The following HPSE2 variants were observed in gnomAD, a reference collection of about 807,000 sequenced individuals.
HPSE2 encodes the protein heparanase 2 (inactive).
Under a neutral mutation model 60.5 loss-of-function variants are expected in HPSE2, and 38 were observed. That is an observed-to-expected ratio of 0.63 (90% confidence interval 0.48 to 0.82). The LOEUF is 0.82. Ranked by LOEUF, HPSE2 falls within the 40% of genes least tolerant of loss-of-function variation. The pLI is 0.00. For synonymous variants in HPSE2, 295 were observed against 293.2 expected, an observed-to-expected ratio of 1.01 and a Z score of -0.06; for missense variants, 713 against 740.4, an observed-to-expected ratio of 0.96 and a Z score of 0.43.
At chr10:98,724,336 G>T (rs1237962530) in intron 4 of HPSE2, among the ~76,000 whole-genome samples, 1 of 152,118 alleles carries the variant, frequency 6.6e-6, no homozygotes, top group African/African-American at 2.4e-5. Context: ...GAGACAGTTT[G>T]TTATAATTTC....
rs1328708630 is a variant in HPSE2, at chr10:98,868,056, T to G, written c.611-124000A>C. Reference sequence around the variant, plus strand: ...CAGCCTGTGTGACAGAGACTCCATCTCCACAAAAAAAAGAAAGAAAGAAAA... The same window carrying G: ...CAGCCTGTGTGACAGAGACTCCATCGCCACAAAAAAAAGAAAGAAAGAAAA... On this transcript the variant is annotated intron_variant, in intron 3 of 11. Transcript: ENST00000370552. 2.7e-5 allele frequency among the ~76,000 whole-genome samples: 4 copies of G among 145,536 alleles called. No homozygotes were observed. In the East Asian group the frequency reaches 8.1e-4, roughly 29 times the overall value.
At chr10:98,655,407 T>C (rs138385340) in intron 6 of HPSE2, among the ~76,000 whole-genome samples, 2 of 152,324 alleles carry the variant, frequency 1.3e-5, no homozygotes, top group East Asian at 1.9e-4. Flanking sequence ...TTCATGGGAA[T>C]TACCACTTAA....
intron 4 of HPSE2, among the ~76,000 whole-genome samples, chr10:98,726,582 A>G (rs558432497): frequency 3.3e-5 from 5 of 151,282 alleles, no homozygotes; most frequent in East Asian, 3.9e-4. Context: ...ATATGTATAC[A>G]TATGTAAAAA....
chr10:98,829,241 A>G (rs1951624569), intron 3 of HPSE2, among the ~76,000 whole-genome samples: 1 of 152,110 alleles, frequency 6.6e-6, no homozygotes, highest in Non-Finnish European at 1.5e-5. Context: ...CAAGATGAAG[A>G]AAGTTGGGCT....
At chr10:98,704,063 G>A (rs1948481628) in intron 5 of HPSE2, among the ~76,000 whole-genome samples, 2 of 152,136 alleles carry the variant, frequency 1.3e-5, no homozygotes, top group Non-Finnish European at 2.9e-5. Context: ...AACAACTTCA[G>A]CAAAGTCTCA....
chr10:98,912,888 G>A (rs1248741459), intron 3 of HPSE2, among the ~76,000 whole-genome samples: 1 of 152,016 alleles, frequency 6.6e-6, no homozygotes, highest in African/African-American at 2.4e-5. Flanking sequence ...ACAACAGGAG[G>A]ACTATAGTCA....
chr10:99,249,015 C>T, the HPSE2 span, among the ~76,000 whole-genome samples: 1 of 152,196 alleles, frequency 6.6e-6, no homozygotes, highest in Non-Finnish European at 1.5e-5. Context: ...CCTGGATGTC[C>T]AGGCAGAAGT....
chr10:99,131,976 G>A, intron 3 of HPSE2, among the ~76,000 whole-genome samples: 1 of 151,682 alleles, frequency 6.6e-6, no homozygotes, highest in Non-Finnish European at 1.5e-5. Context: ...GCCAGATGTG[G>A]TGGCACATGC....
intron 3 of HPSE2, among the ~76,000 whole-genome samples, chr10:99,073,929 A>G (rs1264177597): frequency 7.1e-6 from 1 of 140,884 alleles, no homozygotes; most frequent in Non-Finnish European, 1.5e-5. Flanking sequence ...TCCATTTATT[A>G]GTTCCAAAAG....
At chr10:98,768,248 T>C (rs1304259637) in intron 3 of HPSE2, among the ~76,000 whole-genome samples, 8 of 152,272 alleles carry the variant, frequency 5.3e-5, no homozygotes. Flanking sequence ...CTTTTTTGTA[T>C]AGTTTTATTT....
intron 3 of HPSE2, among the ~76,000 whole-genome samples, chr10:98,985,967 C>T (rs373320827): frequency 2.2e-4 from 33 of 152,154 alleles, no homozygotes; most frequent in African/African-American, 5.3e-4. Context: ...ATGCACCCAA[C>T]ACAGGAGCAC....
the HPSE2 span, among the ~76,000 whole-genome samples, chr10:99,246,028 C>G: frequency 6.6e-6 from 1 of 152,046 alleles, no homozygotes; most frequent in African/African-American, 2.4e-5. Flanking sequence ...ATACCTATAG[C>G]AAAATGTTAG....
chr10:98,774,045 C>T lies in HPSE2; in HGVS notation c.611-29989G>A, dbSNP rs573777249. Among the ~76,000 whole-genome samples the T allele has an allele frequency of 2.2e-4, 34 of 152,108 alleles. 1 individual carries two copies. In the South Asian group the frequency reaches 5.8e-3, roughly 26 times the overall value. The stretch of plus-strand genomic sequence containing the variant: ...TGTCACTGCACTCCAGTATGGGTGA[C>T]GGAGTGACATCCTGTAGCAAAAAAA... On this transcript the variant is annotated intron_variant, in intron 3 of 11. Coordinates refer to ENST00000370552, the MANE Select transcript of HPSE2 (RefSeq NM_021828.5).
chr10:98,826,843 C>G (rs1951559913), intron 3 of HPSE2, among the ~76,000 whole-genome samples: 1 of 152,148 alleles, frequency 6.6e-6, no homozygotes. Context: ...TTCACAAGCA[C>G]TGCACAAATT....
rs900399323 is a variant in HPSE2, at chr10:99,170,966, C to T, written c.449-26567G>A. ...CATTGTATTAAGTATTAAAATTAAT[C>T]TAGAGATTATTTGAAGTATACAGGA... On this transcript the variant is annotated intron_variant, in intron 2 of 11. Transcript: ENST00000370552. 2.0e-5 allele frequency among the ~76,000 whole-genome samples: 3 copies of T among 152,254 alleles called. No individual in the cohort carries two copies. In the South Asian group the frequency reaches 6.2e-4, roughly 32 times the overall value.
intron 9 of HPSE2, among the ~76,000 whole-genome samples, chr10:98,560,773 T>C (rs554288102): frequency 1.8e-4 from 28 of 152,354 alleles, no homozygotes; most frequent in African/African-American, 6.7e-4. Flanking sequence ...AAAATTGCTA[T>C]TGCCTAATGA....
At chr10:98,734,244 GTCA>G (rs1162549825) in intron 4 of HPSE2, among the ~76,000 whole-genome samples, 1 of 152,146 alleles carries the variant, frequency 6.6e-6, no homozygotes, top group Non-Finnish European at 1.5e-5. Flanking sequence ...CATTTATCAA[GTCA>G]TCAATTGATG....
chr10:99,089,288 G>A (rs776390667), intron 3 of HPSE2, among the ~76,000 whole-genome samples: 1 of 152,152 alleles, frequency 6.6e-6, no homozygotes, highest in Non-Finnish European at 1.5e-5. Context: ...TTATCTTCTA[G>A]AATCTTTATG....
At chr10:99,019,553 T>C (rs1957215999) in intron 3 of HPSE2, among the ~76,000 whole-genome samples, 1 of 152,180 alleles carries the variant, frequency 6.6e-6, no homozygotes, top group African/African-American at 2.4e-5. Flanking sequence ...CATACATGTA[T>C]ATACCTTCAG....
Sources: gnomAD v4.1 joint callset for allele counts (sites outside exome capture counted in the v4.1 genomes callset) on GRCh38, gnomAD v4.1.1 for gene constraint, MANE v1.5 for transcripts, NCBI Gene and HGNC (gene_info 2026-07-23, HGNC 2026-07-21) for gene names.